Variants in SCRN1 observed in about 807,000 individuals in gnomAD.
SCRN1 encodes secernin-1.
In SCRN1, 19 loss-of-function variants were observed where a neutral mutation model predicts 43.3. The observed-to-expected ratio is 0.44, with a 90% CI of 0.31 to 0.64. The LOEUF (loss-of-function observed/expected upper bound fraction) is 0.64, where lower values mean the gene tolerates loss of function less well. Among genes scored for constraint, SCRN1 ranks in the 30% least tolerant of loss-of-function variants. The pLI, the probability that SCRN1 is intolerant of heterozygous loss-of-function variation, is 0.09. For missense variants in SCRN1, 447 were observed against 524.1 expected (o/e 0.85, Z 1.44); for synonymous variants, 183 against 188.9 (o/e 0.97, Z 0.26).
chr7:29,955,999 T>A (rs1788124356), intron 2 of SCRN1, among the ~76,000 whole-genome samples: 2 of 152,150 alleles, frequency 1.3e-5, no homozygotes, highest in African/African-American at 4.8e-5. Flanking sequence ...TGGAGGTGCA[T>A]CTCCAGCTGC....
Position 29,955,297 on chromosome 7 carries a change from A to T in SCRN1, c.223T>A (p.Trp75Arg). The change falls in exon 3 of 8, where the codon TGG becomes AGG. Residue 75 changes from tryptophan to arginine, a missense_variant. Trp to Arg is a moderately radical substitution (Grantham distance 101). Transcript: ENST00000242059. ...TYAIMISRPA[W>R]LWGAEMGANE... ...GCTCCCATTTCTGCTCCCCAGAGCC[A>T]GGCGGGTCTGCTTATCATTATGGCA... 1 of 1,614,220 alleles carries T rather than the reference A, an allele frequency of 6.2e-7. No individual in the cohort carries two copies. The highest frequency in any genetic ancestry group is 8.5e-7 in the Non-Finnish European group (1 of 1,180,030).
At chr7:29,938,926 G>T (rs1244480710) in intron 5 of SCRN1, among the ~76,000 whole-genome samples, 1 of 152,076 alleles carries the variant, frequency 6.6e-6, no homozygotes, top group African/African-American at 2.4e-5. Flanking sequence ...GCTGGTCTCG[G>T]CAATTATTAT....
chr7:29,980,539 A>T (rs530711786), intron 1 of SCRN1, among the ~76,000 whole-genome samples: 19 of 152,282 alleles, frequency 1.2e-4, no homozygotes, highest in African/African-American at 4.3e-4. Flanking sequence ...TTTAAAAAAA[A>T]TTTTCCCAAT....
chr7:29,948,908 T>C (rs1395163050), intron 3 of SCRN1, among the ~76,000 whole-genome samples: 1 of 152,186 alleles, frequency 6.6e-6, no homozygotes, highest in East Asian at 1.9e-4. Context: ...TCCACCAGGC[T>C]GGTTATTAAA....
chr7:29,928,152 A>T (rs1025606693), intron 6 of SCRN1, among the ~76,000 whole-genome samples: 4 of 152,018 alleles, frequency 2.6e-5, no homozygotes, highest in African/African-American at 9.7e-5. Flanking sequence ...AAGAAAAACT[A>T]TTTTCAGGTA....
At chr7:29,970,018 T>G (rs1788618419) in intron 1 of SCRN1, 2 of 384,454 alleles carry the variant, frequency 5.2e-6, no homozygotes, top group Non-Finnish European at 1.1e-5. Context: ...GCCACCACCC[T>G]GCACCAAGCC....
chr7:29,947,334 T>C (rs1217844753), intron 3 of SCRN1: 2 of 1,550,640 alleles, frequency 1.3e-6, no homozygotes, highest in Non-Finnish European at 1.7e-6. Context: ...CTGAGAAAGA[T>C]GGGTCACACC....
chr7:29,971,362 G>C (rs1788659840), intron 1 of SCRN1, among the ~76,000 whole-genome samples: 1 of 152,222 alleles, frequency 6.6e-6, no homozygotes, highest in African/African-American at 2.4e-5. Context: ...GCTGGGTGTG[G>C]TGGCTCATGC....
At chr7:29,972,959 G>C (rs903610717) in intron 1 of SCRN1, among the ~76,000 whole-genome samples, 3 of 152,102 alleles carry the variant, frequency 2.0e-5, no homozygotes, top group Admixed American at 6.5e-5. Context: ...TCCATTGGAC[G>C]GGACAGTGAC....
chr7:29,932,731 C>T (rs1304106791), intron 6 of SCRN1, among the ~76,000 whole-genome samples: 3 of 142,906 alleles, frequency 2.1e-5, no homozygotes, highest in African/African-American at 5.2e-5. Flanking sequence ...CACAGACATA[C>T]AAATAAGGAG....
intron 5 of SCRN1, among the ~76,000 whole-genome samples, chr7:29,939,226 T>A (rs1477732710): frequency 6.6e-6 from 1 of 152,100 alleles, no homozygotes; most frequent in Non-Finnish European, 1.5e-5. Flanking sequence ...TTGTTTTTTT[T>A]AAAAAGAGAC....
rs1194289177 is a variant in SCRN1 at position 29,922,004 on chromosome 7, GGGGA to G, written c.*1949_*1952del. On this transcript the variant is annotated 3_prime_UTR_variant, in exon 8 of 8. Coordinates refer to ENST00000242059, the MANE Select transcript of SCRN1 (RefSeq NM_014766.5). ...AGCCACTTGGAACATGGACTTGGGA[GGGGA>G]GAGTTACCTACGTCATCCTCGAACC... 1 of 152,136 alleles carries G rather than the reference GGGGA, an allele frequency of 6.6e-6. No homozygotes were observed. The highest frequency in any genetic ancestry group is 6.5e-5 in the Admixed American group (1 of 15,270). 9.4% of individuals were successfully genotyped at this position (152,136 alleles called of 1,614,324 possible).
At chr7:29,949,874 C>A (rs1317664080) in intron 3 of SCRN1, among the ~76,000 whole-genome samples, 2 of 152,092 alleles carry the variant, frequency 1.3e-5, no homozygotes, top group African/African-American at 4.8e-5. Flanking sequence ...CAGGCTTTTG[C>A]CATGTTGCCC....
Position 29,951,820 on chromosome 7 carries a change from A to G in SCRN1, c.341+3359T>C, listed in dbSNP as rs552638043. Reference sequence around the variant, plus strand: ...TACCTTTATCTTAAAATCAGTGCCTATTACATTGCTACTGTCATTCCCTTA... The same window carrying G: ...TACCTTTATCTTAAAATCAGTGCCTGTTACATTGCTACTGTCATTCCCTTA... On this transcript the variant is annotated intron_variant, in intron 3 of 7. Coordinates refer to ENST00000242059, the MANE Select transcript of SCRN1 (RefSeq NM_014766.5). Among the ~76,000 whole-genome samples the G allele has an allele frequency of 5.3e-5, 8 of 152,346 alleles. No homozygotes were observed. In the East Asian group the frequency reaches 5.8e-4, roughly 11 times the overall value.
chr7:29,982,682 C>CAA (rs10538004), intron 1 of SCRN1, among the ~76,000 whole-genome samples: 66 of 64,608 alleles, frequency 1.0e-3, no homozygotes, highest in African/African-American at 1.4e-3. Context: ...GACCCTGTCT[C>CAA]AAAAAAAAAA....
intron 6 of SCRN1, among the ~76,000 whole-genome samples, chr7:29,934,861 GAGC>G (rs1471653991): frequency 3.9e-5 from 6 of 152,210 alleles, no homozygotes; most frequent in African/African-American, 1.4e-4. Flanking sequence ...GGGGGTAGAG[GAGC>G]AATAGTCACC....
chr7:29,963,689 A>G (rs989930861), intron 2 of SCRN1, among the ~76,000 whole-genome samples: 1 of 152,190 alleles, frequency 6.6e-6, no homozygotes, highest in Admixed American at 6.5e-5. Context: ...ACTTATGTAC[A>G]AGGTTCTCCA....
chr7:29,984,204 C>CAAAAAAAAAAAAAAAAAAAAAAAAACAA, intron 1 of SCRN1, among the ~76,000 whole-genome samples: 1 of 98,252 alleles, frequency 1.0e-5, no homozygotes, highest in Non-Finnish European at 2.0e-5. Context: ...AGACAGTCTC[C>CAAAAAAAAAAAAAAAAAAAAAAAAACAA]AAAAAAAAAA....
intron 2 of SCRN1, among the ~76,000 whole-genome samples, chr7:29,962,375 C>T (rs927712787): frequency 4.6e-5 from 7 of 151,604 alleles, no homozygotes; most frequent in Non-Finnish European, 8.8e-5. Context: ...AGGGAAACCT[C>T]AGGACACATG....
Sources: gnomAD v4.1 joint callset for allele counts (sites outside exome capture counted in the v4.1 genomes callset) on GRCh38, gnomAD v4.1.1 for gene constraint, MANE v1.5 for transcripts, NCBI Gene and HGNC (gene_info 2026-07-23, HGNC 2026-07-21) for gene names.